Variants in HS1BP3 observed in about 807,000 individuals in gnomAD.
HS1BP3 encodes HCLS1-binding protein 3.
Under a neutral mutation model 33.5 loss-of-function variants are expected in HS1BP3, and 32 were observed. That is an observed-to-expected ratio of 0.95 (90% CI 0.72 to 1.28). The LOEUF (loss-of-function observed/expected upper bound fraction) is 1.28. HS1BP3 is among the 50% of genes most tolerant of loss of function. HS1BP3 has a pLI of 0.00. For missense variants in HS1BP3, 486 were observed against 502.3 expected (o/e 0.97, Z 0.31); for synonymous variants, 187 against 209.2 (o/e 0.89, Z 0.92).
intron 3 of HS1BP3, among the ~76,000 whole-genome samples, chr2:20,594,118 T>C (rs1340913182): frequency 6.6e-6 from 1 of 152,236 alleles, no homozygotes; most frequent in African/African-American, 2.4e-5. Context: ...ATCTTACACA[T>C]TCCAACTCAG....
At chr2:20,600,433 G>A (rs1396138401) in intron 2 of HS1BP3, among the ~76,000 whole-genome samples, 2 of 152,174 alleles carry the variant, frequency 1.3e-5, no homozygotes, top group Non-Finnish European at 2.9e-5. Context: ...ATGCTTTCAA[G>A]TCACAGAGAA....
chr2:20,557,531 TG>T (rs1169339633), downstream of HS1BP3, among the ~76,000 whole-genome samples: 1 of 152,326 alleles, frequency 6.6e-6, no homozygotes, highest in East Asian at 1.9e-4. Context: ...CTCTTTGTCA[TG>T]TTGATAGGGA....
At chr2:20,605,894 A>G (rs1163874887) in intron 2 of HS1BP3, among the ~76,000 whole-genome samples, 1 of 152,220 alleles carries the variant, frequency 6.6e-6, no homozygotes, top group Non-Finnish European at 1.5e-5. Context: ...TATTGTGAAT[A>G]GTGCCACTAG....
chr2:20,626,655 A>G (rs951451802), intron 4 of HS1BP3, among the ~76,000 whole-genome samples: 3 of 152,188 alleles, frequency 2.0e-5, no homozygotes, highest in Non-Finnish European at 4.4e-5. Context: ...GACTGCTCCA[A>G]GAAGGCCCAT....
At chr2:20,643,978 G>A (rs1695438126) in intron 2 of HS1BP3, among the ~76,000 whole-genome samples, 1 of 152,146 alleles carries the variant, frequency 6.6e-6, no homozygotes, top group Non-Finnish European at 1.5e-5. Flanking sequence ...TTAAAATTTA[G>A]TGTCTCTTTC....
chr2:20,631,083 C>T (rs543700292), intron 4 of HS1BP3, among the ~76,000 whole-genome samples: 5 of 152,290 alleles, frequency 3.3e-5, no homozygotes, highest in Admixed American at 1.3e-4. Context: ...AGAAATGCTT[C>T]GCAAGCTGCC....
At chr2:20,649,390 CA>C (rs1304743979) in intron 1 of HS1BP3, among the ~76,000 whole-genome samples, 1 of 152,256 alleles carries the variant, frequency 6.6e-6, no homozygotes, top group Non-Finnish European at 1.5e-5. Context: ...GCCACTCCAT[CA>C]GAAAGATGCC....
At chr2:20,558,962 G>T (rs1417423675), downstream of HS1BP3, among the ~76,000 whole-genome samples, 1 of 152,242 alleles carries the variant, frequency 6.6e-6, no homozygotes, top group Non-Finnish European at 1.5e-5. Flanking sequence ...AGGCTGCTGT[G>T]TGACCTGGAT....
rs140720708 is a variant in HS1BP3, at chr2:20,581,910, T to A, written c.303-21395A>T. Among the ~76,000 whole-genome samples the A allele has an allele frequency of 2.5e-4, 38 of 152,304 alleles. No individual in the cohort carries two copies. In the East Asian group the frequency reaches 5.8e-3, roughly 23 times the overall value. ...TGCCTGTGGCCTTTACCAGGTGGGC[T>A]TTCATGAGTTAGCTGCTTACTCCAT... On this transcript the variant is annotated intron_variant, in intron 5 of 5. Transcript: ENST00000446825.
downstream of HS1BP3, among the ~76,000 whole-genome samples, chr2:20,588,196 C>T (rs1693727875): frequency 6.6e-6 from 1 of 151,738 alleles, no homozygotes; most frequent in African/African-American, 2.4e-5. Flanking sequence ...ATTGTCTATG[C>T]TTTTCTATAT....
chr2:20,577,143 C>A lies in HS1BP3; in HGVS notation c.303-16628G>T, dbSNP rs1214139518. Among the ~76,000 whole-genome samples the A allele has an allele frequency of 2.6e-5, 4 of 152,250 alleles. No homozygotes were observed. The East Asian group carries it at 7.7e-4, about 29-fold the overall frequency. ...GATGGAGATGTGGGGTGGCCCAGGG[C>A]AAGTGAAGGACTTGGGGTTCCAGGG... On this transcript the variant is annotated intron_variant, in intron 5 of 5. Transcript: ENST00000446825.
At position 20,593,264 on chromosome 2, in the gene HS1BP3, TC is replaced by T. The variant is rs1693862667; in HGVS notation, c.*13-471del. 9.2e-5 allele frequency among the ~76,000 whole-genome samples: 14 copies of T among 152,282 alleles called. No homozygotes were observed. In the South Asian group the frequency reaches 2.9e-3, roughly 32 times the overall value. On this transcript the variant is annotated intron_variant, in intron 3 of 3. Coordinates refer to the HS1BP3 transcript ENST00000415264. Reference sequence around the variant, plus strand: ...CTTGCAACCTTCCCGGAACACTCCCTCTTCCTCACCTGCCTTCTCTCTTCCT... The same window carrying T: ...CTTGCAACCTTCCCGGAACACTCCCTTTCCTCACCTGCCTTCTCTCTTCCT...
chr2:20,619,636 C>T (rs1053815677), intron 6 of HS1BP3, among the ~76,000 whole-genome samples: 1 of 152,228 alleles, frequency 6.6e-6, no homozygotes, highest in African/African-American at 2.4e-5. Context: ...ACTTCAGACA[C>T]GTTATCATAT....
chr2:20,639,310 G>C (rs554403331), intron 3 of HS1BP3, among the ~76,000 whole-genome samples: 2 of 152,374 alleles, frequency 1.3e-5, no homozygotes, highest in African/African-American at 4.8e-5. Flanking sequence ...GAAAGGGAGA[G>C]CAAGCATCCA....
intron 4 of HS1BP3, among the ~76,000 whole-genome samples, chr2:20,627,526 C>A (rs1485818716): frequency 6.6e-6 from 1 of 152,222 alleles, no homozygotes; most frequent in Non-Finnish European, 1.5e-5. Context: ...GGACAGCACA[C>A]AAGAGGCCTA....
At chr2:20,633,667 C>T (rs868598293) in intron 4 of HS1BP3, among the ~76,000 whole-genome samples, 3 of 152,182 alleles carry the variant, frequency 2.0e-5, no homozygotes, top group Admixed American at 6.5e-5. Context: ...GGATTACAGG[C>T]GTGCCCCATC....
rs76189827 is a variant in HS1BP3 at position 20,596,197 on chromosome 2, C to T, written c.*12+2011G>A. 4.3e-3 allele frequency among the ~76,000 whole-genome samples: 652 copies of T among 152,322 alleles called. 2 individuals carry two copies. The highest frequency in any genetic ancestry group is 0.015 in the African/African-American group (612 of 41,574). On this transcript the variant is annotated intron_variant, in intron 3 of 3. Transcript: ENST00000415264. ...ACCTCTGGGTGTACCAGATACCTCT[C>T]GCTCCTGCCTTGGCCCTTTAGTATT...
At chr2:20,628,714 C>A (rs1694872121) in intron 4 of HS1BP3, among the ~76,000 whole-genome samples, 1 of 151,862 alleles carries the variant, frequency 6.6e-6, no homozygotes, top group Non-Finnish European at 1.5e-5. Context: ...ACAGAGCCAA[C>A]CAAGCCTGAG....
downstream of HS1BP3, among the ~76,000 whole-genome samples, chr2:20,587,639 G>A (rs1204059898): frequency 6.6e-6 from 1 of 152,180 alleles, no homozygotes; most frequent in South Asian, 2.1e-4. Flanking sequence ...CTGTGCACTC[G>A]GGAGGCCGAG....
Sources: gnomAD v4.1 joint callset for allele counts (sites outside exome capture counted in the v4.1 genomes callset) on GRCh38, gnomAD v4.1.1 for gene constraint, MANE v1.5 for transcripts, NCBI Gene and HGNC (gene_info 2026-07-23, HGNC 2026-07-21) for gene names.